TRIQK: variants seen among roughly 807,000 people sequenced by gnomAD.
TRIQK encodes triple QxxK/R motif containing, also known as triple QxxK/R motif-containing protein.
Under a neutral mutation model 10.8 loss-of-function variants are expected in TRIQK, and 10 were observed. That is an observed-to-expected ratio of 0.92 (90% CI 0.57 to 1.57). The LOEUF is 1.57. TRIQK is among the 40% of genes most tolerant of loss of function. The pLI, the probability that TRIQK is intolerant of heterozygous loss-of-function variation, is 0.00. For synonymous variants in TRIQK, 33 were observed against 33.7 expected (o/e 0.98, Z 0.07); for missense variants, 107 against 97.7 (o/e 1.09, Z -0.40).
chr8:93,014,872 C>A (rs558160059), intron 1 of TRIQK, among the ~76,000 whole-genome samples: 1 of 151,828 alleles, frequency 6.6e-6, no homozygotes, highest in African/African-American at 2.4e-5. Flanking sequence ...TTCTCATTTC[C>A]CAGGGGAATC....
chr8:92,910,606 A>G (rs991642138), intron 3 of TRIQK, among the ~76,000 whole-genome samples: 1 of 151,112 alleles, frequency 6.6e-6, no homozygotes, highest in Non-Finnish European at 1.5e-5. Context: ...TTATATCATT[A>G]ATTTATAGAT....
intron 3 of TRIQK, among the ~76,000 whole-genome samples, chr8:92,908,650 T>G (rs906619371): frequency 6.6e-6 from 1 of 152,116 alleles, no homozygotes; most frequent in African/African-American, 2.4e-5. Flanking sequence ...CCAAGTTCTA[T>G]TCACTGTCTG....
At chr8:92,957,699 A>C (rs748024876) in intron 1 of TRIQK, among the ~76,000 whole-genome samples, 4 of 151,988 alleles carry the variant, frequency 2.6e-5, no homozygotes, top group African/African-American at 9.7e-5. Flanking sequence ...AAGCATATAC[A>C]TTATGTTTTG....
chr8:92,899,101 A>G (rs2130327992), intron 3 of TRIQK, among the ~76,000 whole-genome samples: 1 of 148,942 alleles, frequency 6.7e-6, no homozygotes, highest in African/African-American at 2.5e-5. Context: ...CTCCTGCCTC[A>G]GCCTCCCAAG....
intron 1 of TRIQK, among the ~76,000 whole-genome samples, chr8:92,956,451 C>G (rs1812176968): frequency 6.6e-6 from 1 of 151,624 alleles, no homozygotes; most frequent in Non-Finnish European, 1.5e-5. Flanking sequence ...TGAAAATATT[C>G]TGAAATTAGA....
chr8:92,914,416 A>T (rs576074540), intron 3 of TRIQK, among the ~76,000 whole-genome samples: 1 of 152,218 alleles, frequency 6.6e-6, no homozygotes, highest in Non-Finnish European at 1.5e-5. Flanking sequence ...TCTGCATGGC[A>T]TAAGGAGCAA....
chr8:92,898,808 G>C (rs1808744862), intron 3 of TRIQK, among the ~76,000 whole-genome samples: 1 of 121,310 alleles, frequency 8.2e-6, no homozygotes, highest in Admixed American at 8.8e-5. Flanking sequence ...CTTAATTTTT[G>C]CAGGTACATA....
At chr8:93,006,139 A>T (rs1813268636) in intron 1 of TRIQK, among the ~76,000 whole-genome samples, 1 of 152,170 alleles carries the variant, frequency 6.6e-6, no homozygotes, top group Non-Finnish European at 1.5e-5. Flanking sequence ...AAACTATAAA[A>T]CATTGACGAG....
chr8:92,980,100 ATTAAG>A (rs1471882312), intron 1 of TRIQK, among the ~76,000 whole-genome samples: 7 of 152,042 alleles, frequency 4.6e-5, no homozygotes, highest in Non-Finnish European at 7.4e-5. Context: ...CTGGTACTTT[ATTAAG>A]TTAAGAACAC....
chr8:92,902,233 C>T (rs957595647), intron 3 of TRIQK, among the ~76,000 whole-genome samples: 19 of 152,018 alleles, frequency 1.2e-4, no homozygotes, highest in Admixed American at 4.6e-4. Flanking sequence ...GTGGTGATGA[C>T]GCTTGCTGAA....
chr8:92,930,390 CAAAAA>C (rs66513185), intron 2 of TRIQK, among the ~76,000 whole-genome samples: 1 of 47,140 alleles, frequency 2.1e-5, no homozygotes, highest in Non-Finnish European at 3.6e-5. Context: ...ACTAGGTCTC[CAAAAA>C]AAAAAAAAAA....
chr8:92,886,531 T>C lies in TRIQK; in HGVS notation c.*91A>G, dbSNP rs989428679. 18 of 693,096 alleles carry C rather than the reference T, an allele frequency of 2.6e-5. No homozygotes were observed. Among genetic ancestry groups the C allele is most frequent in the Non-Finnish European group, 4.2e-5 (18 of 426,746 alleles). 42.9% of individuals were successfully genotyped at this position (693,096 alleles called of 1,614,324 possible). ...AACTGAAAATATTAGCAGAAAGAAT[T>C]AAAGATGTTACAGTTTCAGTATTGA... On this transcript the variant is annotated 3_prime_UTR_variant, in exon 5 of 5. Coordinates refer to ENST00000521988, the MANE Select transcript of TRIQK (RefSeq NM_001171797.2).
At chr8:92,915,880 T>C (rs1563629955) in intron 3 of TRIQK, among the ~76,000 whole-genome samples, 1 of 152,072 alleles carries the variant, frequency 6.6e-6, no homozygotes. Flanking sequence ...TTTTCAGAAA[T>C]ATATTTTGCT....
At chr8:92,980,204 AAAT>A (rs1357068112) in intron 1 of TRIQK, among the ~76,000 whole-genome samples, 2 of 152,082 alleles carry the variant, frequency 1.3e-5, no homozygotes, top group African/African-American at 4.8e-5. Context: ...TGAAATGAAC[AAAT>A]AATGTTTCAT....
intron 3 of TRIQK, among the ~76,000 whole-genome samples, chr8:92,916,381 T>A (rs1809844589): frequency 6.6e-6 from 1 of 152,160 alleles, no homozygotes; most frequent in South Asian, 2.1e-4. Context: ...AGGGTCCAAG[T>A]ATATTTGGGA....
Position 92,925,544 on chromosome 8 carries a change from C to T in TRIQK, c.-21-8534G>A, listed in dbSNP as rs970182766. Among the ~76,000 whole-genome samples the T allele has an allele frequency of 1.2e-4, 18 of 151,984 alleles. 2 individuals are homozygous for T. In the South Asian group the frequency reaches 3.5e-3, roughly 30 times the overall value. On this transcript the variant is annotated intron_variant, in intron 2 of 4. Coordinates refer to ENST00000521988, the MANE Select transcript of TRIQK (RefSeq NM_001171797.2). ...CTATTTAATAATGTAAGGTATACAA[C>T]CTAATAATTTAAAAAGGGGTCAAAA...
intron 3 of TRIQK, among the ~76,000 whole-genome samples, chr8:92,892,525 CAA>C (rs1189869754): frequency 6.6e-6 from 1 of 151,790 alleles, no homozygotes. Context: ...GAAATATCCC[CAA>C]GTTTCCTTTA....
At chr8:92,957,621 A>T (rs927729738) in intron 1 of TRIQK, among the ~76,000 whole-genome samples, 1 of 151,954 alleles carries the variant, frequency 6.6e-6, no homozygotes, top group Non-Finnish European at 1.5e-5. Flanking sequence ...ATCTAAATAT[A>T]TTCAAGTGGT....
At chr8:92,916,538 AGG>A (rs1809858814) in intron 3 of TRIQK, among the ~76,000 whole-genome samples, 1 of 152,104 alleles carries the variant, frequency 6.6e-6, no homozygotes, top group East Asian at 1.9e-4. Context: ...CATATTTTAC[AGG>A]AGAATTTTGA....
Sources: gnomAD v4.1 joint callset for allele counts (sites outside exome capture counted in the v4.1 genomes callset) on GRCh38, gnomAD v4.1.1 for gene constraint, MANE v1.5 for transcripts, NCBI Gene and HGNC (gene_info 2026-07-23, HGNC 2026-07-21) for gene names.